LDB1: variants seen among roughly 807,000 people sequenced by gnomAD.
LDB1 encodes LIM domain binding 1, also known as LIM domain-binding protein 1.
Under a neutral mutation model 49.7 loss-of-function variants are expected in LDB1, and 6 were observed. The observed-to-expected ratio is 0.12, with a 90% CI of 0.07 to 0.24. The LOEUF is 0.24. Ranked by LOEUF, LDB1 falls within the 10% of genes least tolerant of loss-of-function variation. The pLI, the probability that LDB1 is intolerant of heterozygous loss-of-function variation, is 1.00. For missense variants in LDB1, 341 were observed against 561.7 expected (o/e 0.61, Z 3.97); for synonymous variants, 233 against 202.0 (o/e 1.15, Z -1.30).
At chr10:102,114,812 G>GGGGGCCCC in intron 1 of LDB1, 50 of 929,764 alleles carry the variant, frequency 5.4e-5, no homozygotes, top group Non-Finnish European at 5.8e-5. Context: ...CCTCCGAGCA[G>GGGGGCCCC]CCCGCCCGCC....
chr10:102,115,471 G>A (rs2068324903), intron 1 of LDB1, among the ~76,000 whole-genome samples: 1 of 152,176 alleles, frequency 6.6e-6, no homozygotes, highest in Non-Finnish European at 1.5e-5. Context: ...GGTTATTTTT[G>A]ACAGACACAC....
intron 1 of LDB1, among the ~76,000 whole-genome samples, chr10:102,112,172 A>T (rs2068265691): frequency 6.6e-6 from 1 of 152,260 alleles, no homozygotes; most frequent in African/African-American, 2.4e-5. Context: ...TCCAATCATT[A>T]GAATCTAATA....
chr10:102,102,222 G>A (rs2068127628), downstream of LDB1, among the ~76,000 whole-genome samples: 1 of 152,232 alleles, frequency 6.6e-6, no homozygotes, highest in Non-Finnish European at 1.5e-5. Context: ...ACCGCACCTG[G>A]CCCCATATGA....
At position 102,110,500 on chromosome 10, in the gene LDB1, G is replaced by A. The variant is rs912622104; in HGVS notation, c.525+29C>T. On this transcript the variant is annotated intron_variant, in intron 6 of 10. Coordinates refer to ENST00000673968, the MANE Select transcript of LDB1 (RefSeq NM_001113407.3). ...GATGGGAATCAAACCCAGGTGCCAT[G>A]GTGTTCCACATCCAGCTGGGTTGCT... The A allele has an allele frequency of 4.4e-6, 7 of 1,594,334 alleles. No individual in the cohort carries two copies. In the South Asian group the frequency reaches 6.9e-5, roughly 16 times the overall value.
chr10:102,108,422 C>G (rs144743478), intron 10 of LDB1, 99 bp from the exon 11 acceptor site: 1 of 835,134 alleles, frequency 1.2e-6, no homozygotes, highest in African/African-American at 1.7e-5. Flanking sequence ...CCTGGAAGCT[C>G]AAGAGTCCCC....
downstream of LDB1, among the ~76,000 whole-genome samples, chr10:102,102,255 C>T (rs2068127725): frequency 2.0e-5 from 3 of 152,206 alleles, no homozygotes. Flanking sequence ...TAAATGTGTG[C>T]TGTGCATGGA....
chr10:102,109,972 G>C lies in LDB1; in HGVS notation c.597C>G (p.Phe199Leu). ...DDMMRIKTWH[F>L]SIRQHRELIP... ...TGAGCTCTCGGTGCTGCCGGATGCT[G>C]AAGTGCCACGTCTTTATCCGCATCA... Residue 199 changes from phenylalanine (F) to leucine (L), a missense_variant, in exon 7 of 11, where the codon TTC (phenylalanine) becomes TTG (leucine). This residue lies in a region of LDB1 where 233 missense variants were observed against 385.7 expected (regional missense o/e 0.60). Coordinates refer to ENST00000673968, the MANE Select transcript of LDB1 (RefSeq NM_001113407.3). The surrounding 1 kb of genome is among the most constrained non-coding windows in gnomAD (Gnocchi z 5.8). 1 of 1,611,854 alleles carries C rather than the reference G, an allele frequency of 6.2e-7. No individual in the cohort carries two copies. The highest frequency in any genetic ancestry group is 8.5e-7 in the Non-Finnish European group (1 of 1,179,658).
intron 1 of LDB1, chr10:102,114,272 C>A (rs966812356): frequency 1.1e-6 from 1 of 923,046 alleles, no homozygotes; most frequent in East Asian, 1.2e-4. Flanking sequence ...TAGGGACTGG[C>A]CACAGGTCAG....
Position 102,111,289 on chromosome 10 carries a change from A to G in LDB1, c.140T>C (p.Met47Thr). 6.2e-7 allele frequency: 1 copy of G among 1,614,038 alleles called. No individual in the cohort carries two copies. The highest frequency in any genetic ancestry group is 8.5e-7 in the Non-Finnish European group (1 of 1,179,962). The change falls in exon 3 of 11, where the codon ATG becomes ACG. Residue 47 changes from methionine to threonine, a missense_variant. Transcript: ENST00000673968. Reference sequence around the variant, plus strand: ...TGGCTCCAGGTATGTAGGCGGATACATGGGAGTTGGGCTGTGTAAAGGAAG... The same window carrying G: ...TGGCTCCAGGTATGTAGGCGGATACGTGGGAGTTGGGCTGTGTAAAGGAAG... ...MLDRDVGPTP[M>T]YPPTYLEPGI...
rs2068228613 is a variant in LDB1, at chr10:102,110,065, C to T, written c.526-22G>A. The T allele has an allele frequency of 2.5e-6, 4 of 1,606,078 alleles. 1 individual carries two copies. The East Asian group carries it at 8.9e-5, about 36-fold the overall frequency. Reference sequence around the variant, plus strand: ...ACACCTGGGGACAGGCTTGTCAGAACCCTGCCCCCTCCCCACATACCATAC... The same window carrying T: ...ACACCTGGGGACAGGCTTGTCAGAATCCTGCCCCCTCCCCACATACCATAC... On this transcript the variant is annotated intron_variant, in intron 6 of 10. Coordinates refer to ENST00000673968, the MANE Select transcript of LDB1 (RefSeq NM_001113407.3).
intron 6 of LDB1, 78 bp from the exon 7 acceptor site, chr10:102,110,121 T>G (rs2068230139): frequency 1.4e-6 from 2 of 1,480,804 alleles, no homozygotes; most frequent in South Asian, 1.2e-5. Flanking sequence ...GTCTCCCATT[T>G]GCTTACAACT....
downstream of LDB1, among the ~76,000 whole-genome samples, chr10:102,106,309 G>A (rs947794183): frequency 6.6e-6 from 1 of 151,858 alleles, no homozygotes; most frequent in Non-Finnish European, 1.5e-5. Context: ...GGACATCTGG[G>A]AACAAACTTT....
chr10:102,114,744 T>C, intron 1 of LDB1: 1 of 838,776 alleles, frequency 1.2e-6, no homozygotes, highest in Non-Finnish European at 1.4e-6. Context: ...GCTCCGCTCT[T>C]TCCTCTCTCC....
Position 102,114,470 on chromosome 10 carries a change from C to A in LDB1, c.26-2934G>T, listed in dbSNP as rs1379946919. Reference sequence around the variant, plus strand: ...GACTGCAAGCCCAGAGGAGTCCTGGCAGGGGTGAGGGCTGACGGGGGGACA... The same window carrying A: ...GACTGCAAGCCCAGAGGAGTCCTGGAAGGGGTGAGGGCTGACGGGGGGACA... On this transcript the variant is annotated intron_variant, in intron 1 of 10. Transcript: ENST00000673968. 4.1e-6 allele frequency: 4 copies of A among 986,352 alleles called. No homozygotes were observed. In the East Asian group the frequency reaches 3.4e-4, roughly 84 times the overall value. 61.1% of individuals were successfully genotyped at this position (986,352 alleles called of 1,614,324 possible).
At position 102,110,547 on chromosome 10, in the gene LDB1, G is replaced by C. The variant is rs1157583432; in HGVS notation, c.507C>G (p.Gly169=). 3 of 1,612,766 alleles carry C rather than the reference G, an allele frequency of 1.9e-6. No individual in the cohort carries two copies. The highest frequency in any genetic ancestry group is 2.5e-6 in the Non-Finnish European group (3 of 1,179,376). ...CDQGSMVTQH[G]KPMFTQVCVE... ...TGCTGACCTGGGTGAACATGGGCTTGCCATGCTGGGTCACCATGCTGCCCT... is the reference window on the plus strand; with the variant it reads ...TGCTGACCTGGGTGAACATGGGCTTCCCATGCTGGGTCACCATGCTGCCCT... The change falls in exon 6 of 11, where the codon GGC becomes GGG. Residue 169 remains glycine, a synonymous_variant. Transcript: ENST00000673968.
In LDB1 at chr10:102,107,875, C is replaced by G. The variant is rs949240005; in HGVS notation, c.*218G>C. 1 of 592,940 alleles carries G rather than the reference C, an allele frequency of 1.7e-6. No individual in the cohort carries two copies. The highest frequency in any genetic ancestry group is 2.0e-5 in the South Asian group (1 of 49,902). 36.7% of individuals were successfully genotyped at this position (592,940 alleles called of 1,614,324 possible). On this transcript the variant is annotated 3_prime_UTR_variant, in exon 11 of 11. Coordinates refer to ENST00000673968, the MANE Select transcript of LDB1 (RefSeq NM_001113407.3). ...CAAGTAGGCATCCACATGAGTACCC[C>G]CTCCCCCTAAAAGGCTCTGTAGAGG... is the stretch of plus-strand genomic sequence containing the variant.
intron 10 of LDB1, 171 bp downstream of exon 10, chr10:102,108,858 C>T: frequency 1.2e-6 from 1 of 816,320 alleles, no homozygotes; most frequent in Non-Finnish European, 2.0e-6. Context: ...CACACCCATG[C>T]AAGTGCCTGA....
At chr10:102,115,753 G>C (rs939314230) in intron 1 of LDB1, among the ~76,000 whole-genome samples, 1 of 152,150 alleles carries the variant, frequency 6.6e-6, no homozygotes, top group African/African-American at 2.4e-5. Flanking sequence ...GTGGTTAGTG[G>C]ATAGGACCTG....
At chr10:102,115,335 G>C (rs1344337729) in intron 1 of LDB1, among the ~76,000 whole-genome samples, 1 of 152,148 alleles carries the variant, frequency 6.6e-6, no homozygotes, top group Non-Finnish European at 1.5e-5. Context: ...GATCTTCAAA[G>C]CACCTCCCAA....
Sources: allele counts gnomAD v4.1 joint callset (sites outside exome capture counted in the v4.1 genomes callset), GRCh38; gene constraint gnomAD v4.1.1; regional missense constraint gnomAD v4.1.1; non-coding constraint Gnocchi (gnomAD v3.1); transcripts MANE v1.5; gene names NCBI Gene and HGNC (gene_info 2026-07-23, HGNC 2026-07-21).